The following LIMA1 variants were observed in gnomAD, a reference collection of about 807,000 sequenced individuals.
LIMA1 encodes LIM domain and actin binding 1.
A neutral mutation model predicts 62.6 loss-of-function variants in LIMA1; 52 were observed. The ratio of observed to expected loss-of-function variants is 0.83; its 90% CI spans 0.67 to 1.05. LIMA1 has a LOEUF of 1.05. Among genes scored for constraint, LIMA1 ranks in the 50% least tolerant of loss-of-function variants. LIMA1 has a pLI of 0.00. For missense variants in LIMA1, 780 were observed against 902.2 expected (o/e 0.86, Z 1.74); for synonymous variants, 302 against 317.8 (o/e 0.95, Z 0.53).
intron 1 of LIMA1, among the ~76,000 whole-genome samples, chr12:50,264,931 T>C (rs1349582846): frequency 6.6e-6 from 1 of 152,064 alleles, no homozygotes; most frequent in Non-Finnish European, 1.5e-5. Context: ...GGTGGGAGGA[T>C]CACTTGAGTC....
chr12:50,249,814 C>T (rs905599746), intron 1 of LIMA1: 2 of 152,130 alleles, frequency 1.3e-5, no homozygotes, highest in Admixed American at 1.3e-4. Flanking sequence ...TAAAGTACTG[C>T]TAATTCACAG....
intron 10 of LIMA1, among the ~76,000 whole-genome samples, chr12:50,180,410 G>A (rs546957840): frequency 6.6e-6 from 1 of 152,230 alleles, no homozygotes; most frequent in South Asian, 2.1e-4. Context: ...GGGAGACAAA[G>A]GTTGCAGTGA....
chr12:50,191,833 A>G (rs1258161264), intron 9 of LIMA1, among the ~76,000 whole-genome samples: 1 of 148,216 alleles, frequency 6.7e-6, no homozygotes, highest in Non-Finnish European at 1.5e-5. Context: ...AAACAAAACA[A>G]AAACAAACAA....
rs771305250 is a variant in LIMA1, at chr12:50,178,026, G to A, written c.1318C>T (p.Pro440Ser). The change falls in exon 11 of 11, where the codon CCT (proline) becomes TCT (serine). Residue 440 changes from proline (P) to serine (S), a missense_variant. Transcript: ENST00000341247. ...ASLHGRIYCK[P>S]HFNQLFKSKG... The stretch of plus-strand genomic sequence containing the variant: ...GATTTAAAGAGTTGATTGAAGTGAG[G>A]CTTACAATAGATTCTTCCATGTAAA... 6.4e-7 allele frequency: 1 copy of A among 1,565,760 alleles called. No homozygotes were observed. Among genetic ancestry groups the A allele is most frequent in the Non-Finnish European group, 8.6e-7 (1 of 1,160,520 alleles).
chr12:50,206,168 G>A (rs1235742477), intron 4 of LIMA1, 100 bp from the exon 5 acceptor site: 2 of 849,078 alleles, frequency 2.4e-6, no homozygotes, highest in Non-Finnish European at 3.6e-6. Flanking sequence ...ATCCAGATTT[G>A]ATTTTATATT....
chr12:50,221,321 A>G (rs1338155114), intron 4 of LIMA1, among the ~76,000 whole-genome samples: 1 of 151,918 alleles, frequency 6.6e-6, no homozygotes, highest in African/African-American at 2.4e-5. Context: ...TGGCCTCTGG[A>G]TTGTGTTATA....
At chr12:50,200,970 A>G in intron 6 of LIMA1, 86 bp from the exon 7 acceptor site, 1 of 1,530,806 alleles carries the variant, frequency 6.5e-7, no homozygotes, top group Admixed American at 2.2e-5. Flanking sequence ...TAAACTTGGA[A>G]TGTTAAAAAA....
intron 4 of LIMA1, among the ~76,000 whole-genome samples, chr12:50,213,295 T>A (rs974386749): frequency 1.3e-5 from 2 of 152,284 alleles, no homozygotes; most frequent in Non-Finnish European, 2.9e-5. Flanking sequence ...TTTCAATTTT[T>A]GCCAGTTTCC....
intron 1 of LIMA1, among the ~76,000 whole-genome samples, chr12:50,281,140 C>T (rs1942335219): frequency 6.6e-6 from 1 of 152,116 alleles, no homozygotes; most frequent in South Asian, 2.1e-4. Flanking sequence ...AACTCCCACA[C>T]TCTCAATATT....
At chr12:50,185,747 G>A (rs747088606) in intron 9 of LIMA1, 3 of 296,020 alleles carry the variant, frequency 1.0e-5, no homozygotes, top group East Asian at 8.5e-5. Context: ...GACCCACATC[G>A]GCTCTCTCTT....
chr12:50,260,682 A>C (rs1287002088), intron 1 of LIMA1, among the ~76,000 whole-genome samples: 3 of 152,162 alleles, frequency 2.0e-5, no homozygotes, highest in African/African-American at 7.2e-5. Context: ...TTAAAAGGAG[A>C]ACTTACAGGT....
rs910123216 is a variant in LIMA1, at chr12:50,177,790, C to T, written c.1554G>A (p.Lys518=). ...MEAKASSQQE[K]EDKPAETKKL... ...TCTTGGTTTCAGCTGGCTTGTCTTC[C>T]TTCTCCTGCTGAGAGGAGGCCTTGG... is the stretch of plus-strand genomic sequence containing the variant. The change falls in exon 11 of 11, where the codon AAG becomes AAA. Residue 518 remains lysine (K), a synonymous_variant. Transcript: ENST00000341247. 2 of 1,614,102 alleles carry T rather than the reference C, an allele frequency of 1.2e-6. No homozygotes were observed. Among genetic ancestry groups the T allele is most frequent in the Non-Finnish European group, 1.7e-6 (2 of 1,180,010 alleles).
intron 2 of LIMA1, among the ~76,000 whole-genome samples, chr12:50,244,239 G>C (rs1264388828): frequency 6.6e-6 from 1 of 152,228 alleles, no homozygotes; most frequent in Non-Finnish European, 1.5e-5. Flanking sequence ...GAGTAGCTGG[G>C]ATTACAGGCA....
At chr12:50,265,481 T>A (rs1565863612) in intron 1 of LIMA1, among the ~76,000 whole-genome samples, 1 of 151,022 alleles carries the variant, frequency 6.6e-6, no homozygotes, top group African/African-American at 2.4e-5. Flanking sequence ...GATCACACCA[T>A]TGCACACCAG....
intron 4 of LIMA1, among the ~76,000 whole-genome samples, chr12:50,208,087 C>G (rs1001310879): frequency 6.6e-6 from 1 of 152,194 alleles, no homozygotes; most frequent in East Asian, 1.9e-4. Context: ...GTGGCTCAAG[C>G]TTATAATCCT....
intron 6 of LIMA1, among the ~76,000 whole-genome samples, chr12:50,203,008 C>CTTT (rs11292692): frequency 4.9e-5 from 6 of 121,468 alleles, no homozygotes; most frequent in African/African-American, 6.4e-5. Flanking sequence ...AGGTAACTTC[C>CTTT]TTTTTTTTTT....
chr12:50,243,226 A>G (rs1229623053), intron 2 of LIMA1, among the ~76,000 whole-genome samples: 1 of 152,218 alleles, frequency 6.6e-6, no homozygotes, highest in African/African-American at 2.4e-5. Flanking sequence ...ACTGTTAACA[A>G]TTAGAAAGTA....
intron 9 of LIMA1, among the ~76,000 whole-genome samples, chr12:50,184,651 A>G (rs1370823234): frequency 6.6e-6 from 1 of 152,180 alleles, no homozygotes; most frequent in Admixed American, 6.5e-5. Context: ...CAAAACAACA[A>G]CAACAAAAGG....
chr12:50,199,304 C>G (rs1230413404), intron 7 of LIMA1, among the ~76,000 whole-genome samples: 1 of 152,192 alleles, frequency 6.6e-6, no homozygotes. Flanking sequence ...GCACTCCAGC[C>G]TGGGTGACAG....
Sources: allele counts gnomAD v4.1 joint callset (sites outside exome capture counted in the v4.1 genomes callset), GRCh38; gene constraint gnomAD v4.1.1; transcripts MANE v1.5; gene names NCBI Gene and HGNC (gene_info 2026-07-23, HGNC 2026-07-21).